The following CLVS2 variants were observed in gnomAD, a reference collection of about 807,000 sequenced individuals.
CLVS2 encodes the protein clavesin-2.
In CLVS2, 19 loss-of-function variants were observed where a neutral mutation model predicts 29.0. The observed-to-expected ratio is 0.66, with a 90% CI of 0.46 to 0.96. The LOEUF is 0.96. CLVS2 is among the 40% of genes least tolerant of loss of function. The probability of loss-of-function intolerance (pLI) is 0.00; values close to 1 mark genes in which losing one functional copy is unlikely to be tolerated. For missense variants in CLVS2, 294 were observed against 404.1 expected, an observed-to-expected ratio of 0.73 and a Z score of 2.34; for synonymous variants, 161 against 151.3, an observed-to-expected ratio of 1.06 and a Z score of -0.47.
chr6:123,010,297 G>A (rs757606190), intron 2 of CLVS2, among the ~76,000 whole-genome samples: 6 of 151,910 alleles, frequency 3.9e-5, no homozygotes, highest in Non-Finnish European at 5.9e-5. Context: ...AATATAAAGA[G>A]CATTTATTGG....
rs751775763 is a variant in CLVS2, at chr6:123,055,851, C to A, written c.721C>A (p.His241Asn). The A allele has an allele frequency of 7.1e-5, 114 of 1,613,972 alleles. No homozygotes were observed. The highest frequency in any genetic ancestry group is 9.5e-5 in the Non-Finnish European group (112 of 1,179,980). Residue 241 changes from histidine to asparagine, a missense_variant, in exon 5 of 6, where the codon CAT becomes AAT. Around this residue, in one of 2 missense-constraint regions of CLVS2, gnomAD observed 212 missense variants for 336.4 expected, o/e 0.63. Transcript: ENST00000275162. ...CCTGAACAGTCTACACCAACTAATT[C>A]ATCCTGAGATCCTGCCCTCTGAGTT... ...NNLNSLHQLIHPEILPSEFGG... is the reference protein window; with the variant it reads ...NNLNSLHQLINPEILPSEFGG...
At chr6:123,019,208 C>T (rs565341495) in intron 3 of CLVS2, among the ~76,000 whole-genome samples, 1 of 151,960 alleles carries the variant, frequency 6.6e-6, no homozygotes, top group Non-Finnish European at 1.5e-5. Context: ...ACAGGGGAGG[C>T]TGAAAAATTG....
chr6:123,010,376 A>G (rs1165608567), intron 2 of CLVS2, among the ~76,000 whole-genome samples: 3 of 152,020 alleles, frequency 2.0e-5, no homozygotes, highest in African/African-American at 4.8e-5. Flanking sequence ...ACAAAACACA[A>G]CAAAAAAAGA....
chr6:123,002,993 G>A (rs938329867), intron 2 of CLVS2, among the ~76,000 whole-genome samples: 12 of 152,120 alleles, frequency 7.9e-5, no homozygotes, highest in Non-Finnish European at 1.5e-4. Flanking sequence ...CAAATCCTCT[G>A]CTAACTGCAA....
chr6:123,032,131 C>T (rs190703737), intron 3 of CLVS2, among the ~76,000 whole-genome samples: 5 of 152,058 alleles, frequency 3.3e-5, no homozygotes, highest in African/African-American at 1.2e-4. Context: ...TAACTTAAAC[C>T]TACAGTTTCT....
intron 4 of CLVS2, 31 bp downstream of exon 4, chr6:123,048,763 T>C (rs570162951): frequency 7.3e-7 from 1 of 1,374,164 alleles, no homozygotes; most frequent in East Asian, 2.3e-5. Context: ...TAATCCTTTC[T>C]CTTCCGCCAT....
intron 3 of CLVS2, among the ~76,000 whole-genome samples, chr6:123,015,564 C>T (rs1038548788): frequency 3.9e-5 from 6 of 152,018 alleles, no homozygotes; most frequent in African/African-American, 1.4e-4. Flanking sequence ...GTTTCCAGGC[C>T]TGTTTCTAAG....
At chr6:123,007,732 T>C (rs992996056) in intron 2 of CLVS2, among the ~76,000 whole-genome samples, 3 of 152,204 alleles carry the variant, frequency 2.0e-5, no homozygotes, top group African/African-American at 4.8e-5. Context: ...ACAGCATTCT[T>C]TTCACAAATT....
chr6:123,070,141 T>TA lies in CLVS2; in HGVS notation c.*6381dup. 6.6e-6 allele frequency: 1 copy of TA among 152,116 alleles called. No homozygotes were observed. Among genetic ancestry groups the TA allele is most frequent in the South Asian group, 2.1e-4 (1 of 4,828 alleles). The allele number at this position is 152,116 out of a possible 1,614,324, so 9.4% of individuals were successfully genotyped here. A position where few individuals can be genotyped will look rare whatever the true frequency, so the allele number is the denominator to read the frequency against. The stretch of plus-strand genomic sequence containing the variant: ...CATAGGGAAGACTAGTAATATCCCT[T>TA]ACTCCTCATTCATATAGCTAACAAT... On this transcript the variant is annotated 3_prime_UTR_variant, in exon 6 of 6. Coordinates refer to ENST00000275162, the MANE Select transcript of CLVS2 (RefSeq NM_001010852.4).
At chr6:122,996,979 G>A (rs1373206200) in intron 1 of CLVS2, among the ~76,000 whole-genome samples, 3 of 151,948 alleles carry the variant, frequency 2.0e-5, no homozygotes, top group Non-Finnish European at 4.4e-5. Flanking sequence ...GGTTGGGGGA[G>A]CCCACGCTGG....
chr6:123,011,136 C>T lies in CLVS2; in HGVS notation c.541C>T (p.Arg181Ter), dbSNP rs1267203230. The T allele has an allele frequency of 3.2e-6, 5 of 1,581,628 alleles. No homozygotes were observed. Among genetic ancestry groups the T allele is most frequent in the Admixed American group, 1.8e-5 (1 of 56,788 alleles). ...CTCTAAACTCACACCAAGTATGCTG[C>T]GATTAGCTATTGAAGGCCTGCAGGT... ...QASKLTPSML[R>*]LAIEGLQDSF... The change falls in exon 3 of 6, where the codon CGA (arginine) becomes TGA (stop). Residue 181 changes from arginine to a stop codon, truncating the protein, a stop_gained. Coordinates refer to ENST00000275162, the MANE Select transcript of CLVS2 (RefSeq NM_001010852.4). LOFTEE classifies it high-confidence loss of function.
intron 3 of CLVS2, among the ~76,000 whole-genome samples, chr6:123,032,188 C>T (rs998717221): frequency 2.0e-5 from 3 of 152,066 alleles, no homozygotes; most frequent in Middle Eastern, 3.4e-3. Context: ...ATTTATAGTG[C>T]CTTTGATTTT....
At chr6:123,047,745 G>GTTT (rs67598342) in intron 3 of CLVS2, among the ~76,000 whole-genome samples, 1 of 150,412 alleles carries the variant, frequency 6.6e-6, no homozygotes, top group South Asian at 2.1e-4. Flanking sequence ...TAGTAGGCTA[G>GTTT]TTTTTTTTTT....
chr6:123,006,537 G>C (rs73772810), intron 2 of CLVS2, among the ~76,000 whole-genome samples: 3 of 152,100 alleles, frequency 2.0e-5, no homozygotes, highest in African/African-American at 7.2e-5. Flanking sequence ...AGTAGAAAGA[G>C]TTAGATGCCA....
chr6:123,063,709 G>C lies in CLVS2; in HGVS notation c.932G>C (p.Arg311Pro), dbSNP rs530279493. The change falls in exon 6 of 6, where the codon CGC (arginine) becomes CCC (proline). Residue 311 changes from arginine to proline, a missense_variant. Arg to Pro is a moderately radical substitution (Grantham distance 103, BLOSUM62 -2). Transcript: ENST00000275162. ...GTAGTGGATCCTACAGTACTAAAACGCATGGATAAAAATGAGGAAGAAAAC... is the reference window on the plus strand; with the variant it reads ...GTAGTGGATCCTACAGTACTAAAACCCATGGATAAAAATGAGGAAGAAAAC... ...QSVVDPTVLKRMDKNEEENMQ... is the reference protein window; with the variant it reads ...QSVVDPTVLKPMDKNEEENMQ... The C allele has an allele frequency of 2.5e-6, 4 of 1,612,042 alleles. No homozygotes were observed. The highest frequency in any genetic ancestry group is 3.4e-6 in the Non-Finnish European group (4 of 1,178,482).
chr6:123,029,358 A>G (rs1489706081), intron 3 of CLVS2, among the ~76,000 whole-genome samples: 1 of 152,212 alleles, frequency 6.6e-6, no homozygotes, highest in African/African-American at 2.4e-5. Context: ...AAGGAAAAGG[A>G]AGTAAAAAGC....
At chr6:123,049,691 T>C (rs556880511) in intron 4 of CLVS2, among the ~76,000 whole-genome samples, 2 of 151,568 alleles carry the variant, frequency 1.3e-5, no homozygotes, top group African/African-American at 4.8e-5. Context: ...TTTCCATGTT[T>C]CTCAATGACC....
intron 5 of CLVS2, among the ~76,000 whole-genome samples, chr6:123,056,298 T>G (rs1236703476): frequency 2.0e-5 from 3 of 152,178 alleles, no homozygotes; most frequent in Admixed American, 6.6e-5. Context: ...TGATGTATGA[T>G]AGATCTCCCA....
chr6:123,043,791 C>A (rs1285350128), intron 3 of CLVS2, among the ~76,000 whole-genome samples: 5 of 152,042 alleles, frequency 3.3e-5, no homozygotes, highest in Non-Finnish European at 5.9e-5. Flanking sequence ...GACAATATTA[C>A]TTGTAATAGT....
Sources: gnomAD v4.1 joint callset for allele counts (sites outside exome capture counted in the v4.1 genomes callset) on GRCh38, gnomAD v4.1.1 for gene constraint, gnomAD v4.1.1 regional missense constraint, MANE v1.5 for transcripts, NCBI Gene and HGNC (gene_info 2026-07-23, HGNC 2026-07-21) for gene names.